IL1RAPL1: variants seen among roughly 807,000 people sequenced by gnomAD.
IL1RAPL1 encodes interleukin-1 receptor accessory protein-like 1.
A neutral mutation model predicts 48.4 loss-of-function variants in IL1RAPL1; 3 were observed. The observed-to-expected ratio is 0.06, with a 90% CI of 0.03 to 0.16. The LOEUF (loss-of-function observed/expected upper bound fraction) is 0.16, where lower values mean the gene tolerates loss of function less well. IL1RAPL1 is among the 10% of genes least tolerant of loss of function. The pLI, the probability that IL1RAPL1 is intolerant of heterozygous loss-of-function variation, is 1.00. For missense variants in IL1RAPL1, 349 were observed against 530.6 expected (o/e 0.66, Z 3.36); for synonymous variants, 185 against 187.7 (o/e 0.99, Z 0.12).
intron 6 of IL1RAPL1, among the ~76,000 whole-genome samples, chrX:29,864,291 T>G (rs1931649163): frequency 8.9e-6 from 1 of 112,257 alleles, no homozygotes; most frequent in Admixed American, 9.4e-5. Context: ...AAGTTTGTTT[T>G]TTGTGTGATA....
chrX:29,034,614 G>A (rs934913748), intron 2 of IL1RAPL1, among the ~76,000 whole-genome samples: 3 of 111,160 alleles, frequency 2.7e-5, no homozygotes, highest in African/African-American at 6.5e-5. Flanking sequence ...TTTTCATGTC[G>A]TTTTCTGGAG....
chrX:29,875,607 AT>A, intron 6 of IL1RAPL1, among the ~76,000 whole-genome samples: 1 of 111,834 alleles, frequency 8.9e-6, no homozygotes, highest in Non-Finnish European at 1.9e-5. Flanking sequence ...GCCATTAGAA[AT>A]TCAGCTTGCA....
intron 3 of IL1RAPL1, among the ~76,000 whole-genome samples, chrX:29,379,656 C>T (rs1329088638): frequency 2.7e-5 from 3 of 111,750 alleles, no homozygotes; most frequent in Admixed American, 9.5e-5. Context: ...CATTTGGAGC[C>T]GAAAACTAGC....
At chrX:28,907,738 AAGTT>A (rs1291747049) in intron 2 of IL1RAPL1, among the ~76,000 whole-genome samples, 1 of 112,482 alleles carries the variant, frequency 8.9e-6, no homozygotes, top group Non-Finnish European at 1.9e-5. Context: ...GTTTGGTACT[AAGTT>A]AATACTGGCC....
intron 5 of IL1RAPL1, among the ~76,000 whole-genome samples, chrX:29,405,154 C>T (rs1934041564): frequency 1.8e-5 from 2 of 109,767 alleles, no homozygotes; most frequent in Admixed American, 9.8e-5. Context: ...CCTTGTGATC[C>T]GCCCACCTCA....
chrX:28,818,745 A>G (rs1936897285), intron 2 of IL1RAPL1, among the ~76,000 whole-genome samples: 1 of 110,712 alleles, frequency 9.0e-6, no homozygotes, highest in African/African-American at 3.3e-5. Context: ...TTAAGTGATT[A>G]TAGGACTTAC....
chrX:29,424,555 A>G (rs1352501038), intron 5 of IL1RAPL1, among the ~76,000 whole-genome samples: 1 of 111,582 alleles, frequency 9.0e-6, no homozygotes, highest in Non-Finnish European at 1.9e-5. Context: ...TTGGGGCAAA[A>G]CAGTTCATAA....
chrX:29,735,352 A>G (rs756765439), intron 6 of IL1RAPL1, among the ~76,000 whole-genome samples: 32 of 111,705 alleles, frequency 2.9e-4, no homozygotes, highest in African/African-American at 9.4e-4. Flanking sequence ...ATAATTCAGG[A>G]TAATCTCTTT....
intron 5 of IL1RAPL1, among the ~76,000 whole-genome samples, chrX:29,609,159 C>T (rs998936223): frequency 1.8e-5 from 2 of 111,432 alleles, no homozygotes; most frequent in Non-Finnish European, 3.8e-5. Flanking sequence ...TGTAACCTCC[C>T]GTCAAGTCCT....
intron 2 of IL1RAPL1, among the ~76,000 whole-genome samples, chrX:29,099,187 G>A (rs979604363): frequency 9.0e-6 from 1 of 111,425 alleles, no homozygotes; most frequent in African/African-American, 3.3e-5. Flanking sequence ...AATCTTTAAC[G>A]TATGATGGTA....
At chrX:28,646,483 A>G (rs1934612084) in intron 1 of IL1RAPL1, among the ~76,000 whole-genome samples, 3 of 112,424 alleles carry the variant, frequency 2.7e-5, no homozygotes, top group Admixed American at 9.4e-5. Flanking sequence ...TTGTCACATT[A>G]TAATAAATTC....
intron 3 of IL1RAPL1, among the ~76,000 whole-genome samples, chrX:29,376,424 G>A (rs1472470232): frequency 3.7e-5 from 4 of 109,035 alleles, no homozygotes; most frequent in African/African-American, 1.3e-4. Flanking sequence ...AGGCTGGAGT[G>A]CAGTGGCATG....
At chrX:29,022,253 G>A (rs1473137574) in intron 2 of IL1RAPL1, among the ~76,000 whole-genome samples, 1 of 111,159 alleles carries the variant, frequency 9.0e-6, no homozygotes, top group Non-Finnish European at 1.9e-5. Flanking sequence ...TCACCACCTC[G>A]GTGTGACCAA....
At chrX:29,483,487 G>T (rs774312768) in intron 5 of IL1RAPL1, among the ~76,000 whole-genome samples, 2 of 111,405 alleles carry the variant, frequency 1.8e-5, no homozygotes, top group Non-Finnish European at 3.8e-5. Context: ...TAGGCGGTTT[G>T]TTTCTTTGCA....
intron 9 of IL1RAPL1, among the ~76,000 whole-genome samples, chrX:29,947,777 G>C (rs1247922490): frequency 9.6e-6 from 1 of 103,913 alleles, no homozygotes; most frequent in Admixed American, 1.0e-4. Context: ...TGGTGGGGGG[G>C]TGGGTGGTGG....
intron 1 of IL1RAPL1, among the ~76,000 whole-genome samples, chrX:28,596,330 C>T (rs780692811): frequency 9.0e-6 from 1 of 110,738 alleles, no homozygotes; most frequent in Non-Finnish European, 1.9e-5. Context: ...AAATCACCTG[C>T]CTGCCTGTCT....
chrX:29,462,933 T>G (rs1393438412), intron 5 of IL1RAPL1, among the ~76,000 whole-genome samples: 2 of 111,657 alleles, frequency 1.8e-5, no homozygotes, highest in East Asian at 5.6e-4. Context: ...ACATTTAATA[T>G]TGTTTGGCAT....
At chrX:28,727,913 A>G (rs1462457413) in intron 1 of IL1RAPL1, among the ~76,000 whole-genome samples, 1 of 106,008 alleles carries the variant, frequency 9.4e-6, no homozygotes, top group African/African-American at 3.5e-5. Flanking sequence ...CACTCTGGGG[A>G]CTGTTGTGGG....
At chrX:28,755,672 T>C (rs1936097663) in intron 1 of IL1RAPL1, among the ~76,000 whole-genome samples, 3 of 112,634 alleles carry the variant, frequency 2.7e-5, no homozygotes, top group Admixed American at 1.9e-4. Context: ...TTCTAAACTT[T>C]AGTGGTAATT....
Sources: allele counts gnomAD v4.1 joint callset (sites outside exome capture counted in the v4.1 genomes callset), GRCh38; gene constraint gnomAD v4.1.1; transcripts MANE v1.5; gene names NCBI Gene and HGNC (gene_info 2026-07-23, HGNC 2026-07-21).